ADK: variants seen among roughly 807,000 people sequenced by gnomAD.
The protein encoded by ADK is adenosine kinase.
A neutral mutation model predicts 44.7 loss-of-function variants in ADK; 24 were observed. The ratio of observed to expected loss-of-function variants is 0.54; its 90% CI spans 0.39 to 0.76. The LOEUF (loss-of-function observed/expected upper bound fraction) is 0.76. ADK is among the 30% of genes least tolerant of loss of function. The pLI, the probability that ADK is intolerant of heterozygous loss-of-function variation, is 0.00. For missense variants in ADK, 321 were observed against 425.1 expected, an observed-to-expected ratio of 0.76 and a Z score of 2.15; for synonymous variants, 128 against 142.6, an observed-to-expected ratio of 0.90 and a Z score of 0.73.
chr10:74,408,156 T>A (rs375280594), intron 6 of ADK, among the ~76,000 whole-genome samples: 1 of 142,118 alleles, frequency 7.0e-6, no homozygotes, highest in Non-Finnish European at 1.5e-5. Context: ...AGTTTTGTAT[T>A]TTTTTTTTTT....
intron 3 of ADK, among the ~76,000 whole-genome samples, chr10:74,271,948 T>G: frequency 6.6e-6 from 1 of 152,132 alleles, no homozygotes; most frequent in African/African-American, 2.4e-5. Flanking sequence ...CCAACTGTAC[T>G]GCAAACCCCA....
chr10:74,364,736 G>A (rs904946138), intron 4 of ADK, among the ~76,000 whole-genome samples: 11 of 115,650 alleles, frequency 9.5e-5, no homozygotes, highest in African/African-American at 3.0e-4. Context: ...GTGTGTGTGT[G>A]TGTGTTCTAG....
At chr10:74,155,760 C>T (rs1454159888) in intron 1 of ADK, among the ~76,000 whole-genome samples, 2 of 152,058 alleles carry the variant, frequency 1.3e-5, no homozygotes, top group South Asian at 2.1e-4. Flanking sequence ...GTCTTGATCG[C>T]CTGACCTCGT....
intron 1 of ADK, among the ~76,000 whole-genome samples, chr10:74,157,218 A>G (rs569343871): frequency 1.6e-4 from 25 of 152,344 alleles, no homozygotes; most frequent in Non-Finnish European, 2.9e-4. Flanking sequence ...GGGGTGGCCT[A>G]TCACAGAACC....
intron 4 of ADK, among the ~76,000 whole-genome samples, chr10:74,371,314 A>G (rs193251490): frequency 3.9e-4 from 60 of 152,324 alleles, no homozygotes; most frequent in Non-Finnish European, 5.7e-4. Context: ...TCATTGAATC[A>G]TATGCTTTAA....
At chr10:74,615,811 C>T (rs1418408004) in intron 9 of ADK, among the ~76,000 whole-genome samples, 5 of 152,016 alleles carry the variant, frequency 3.3e-5, no homozygotes, top group African/African-American at 9.7e-5. Flanking sequence ...TGGGTTCAAG[C>T]GATTCCCTTG....
intron 3 of ADK, among the ~76,000 whole-genome samples, chr10:74,294,435 C>T (rs1177309437): frequency 4.6e-5 from 7 of 151,978 alleles, no homozygotes; most frequent in African/African-American, 1.2e-4. Flanking sequence ...TACAGGCACA[C>T]GCCACCATGC....
At chr10:74,378,174 C>T (rs1203484499) in intron 4 of ADK, among the ~76,000 whole-genome samples, 1 of 151,898 alleles carries the variant, frequency 6.6e-6, no homozygotes, top group Non-Finnish European at 1.5e-5. Context: ...CAGAGGCTCA[C>T]ACCTGTAATC....
At chr10:74,266,384 C>G (rs1490213060) in intron 3 of ADK, among the ~76,000 whole-genome samples, 1 of 152,032 alleles carries the variant, frequency 6.6e-6, no homozygotes, top group Non-Finnish European at 1.5e-5. Flanking sequence ...TGATGAAACC[C>G]CGTCTCTACT....
chr10:74,305,041 A>G (rs949089660), intron 3 of ADK, among the ~76,000 whole-genome samples: 1 of 152,212 alleles, frequency 6.6e-6, no homozygotes, highest in African/African-American at 2.4e-5. Flanking sequence ...TATATAACAT[A>G]TGCATATCCT....
rs11419041 is a variant in ADK at position 74,205,675 on chromosome 10, CAAAAAAAAAAA to C, written c.140+4847_140+4857del. Reference sequence around the variant, plus strand: ...AGTGTGACAGCCTGAGAATCTGTCTCAAAAAAAAAAAAAAAAAAAAGAAATGTAATTAGAGT... The same window carrying C: ...AGTGTGACAGCCTGAGAATCTGTCTCAAAAAAAAAGAAATGTAATTAGAGT... On this transcript the variant is annotated intron_variant, in intron 2 of 10. Coordinates refer to ENST00000539909, the MANE Select transcript of ADK (RefSeq NM_006721.4). Among the ~76,000 whole-genome samples, 153 of 85,318 alleles carry C rather than the reference CAAAAAAAAAAA, an allele frequency of 1.8e-3. 2 individuals are homozygous for C. The highest frequency in any genetic ancestry group is 6.9e-3 in the African/African-American group (142 of 20,434). The allele number at this position is 85,318 out of a possible 152,430, so 56.0% of individuals were successfully genotyped here. A position where few individuals can be genotyped will look rare whatever the true frequency, so the allele number is the denominator to read the frequency against.
intron 4 of ADK, among the ~76,000 whole-genome samples, chr10:74,353,705 A>G (rs1416200360): frequency 2.0e-5 from 3 of 152,022 alleles, no homozygotes; most frequent in Non-Finnish European, 2.9e-5. Flanking sequence ...TGTTTCTACT[A>G]AAAATACAAA....
At chr10:74,348,747 C>T (rs749673127) in intron 4 of ADK, among the ~76,000 whole-genome samples, 28 of 151,500 alleles carry the variant, frequency 1.8e-4, no homozygotes, top group Non-Finnish European at 3.8e-4. Context: ...AAACACAGCA[C>T]GAGCACTTCA....
chr10:74,540,726 TG>T (rs1173732345), intron 7 of ADK, among the ~76,000 whole-genome samples: 2 of 152,160 alleles, frequency 1.3e-5, no homozygotes, highest in Non-Finnish European at 2.9e-5. Flanking sequence ...TCCCATGTGC[TG>T]GGGTTACAGG....
chr10:74,162,270 T>TG (rs199907711), intron 1 of ADK, among the ~76,000 whole-genome samples: 1,950 of 151,748 alleles, frequency 0.013, 48 homozygotes, highest in African/African-American at 0.045. Flanking sequence ...CCGCCCACCT[T>TG]GGCCTCCCAA....
chr10:74,685,729 A>T (rs1245932221), intron 10 of ADK, among the ~76,000 whole-genome samples: 1 of 152,164 alleles, frequency 6.6e-6, no homozygotes, highest in East Asian at 1.9e-4. Context: ...ATTTTATTCT[A>T]TGCAATTTTC....
intron 3 of ADK, among the ~76,000 whole-genome samples, chr10:74,270,001 A>AAAAT (rs1213340813): frequency 1.3e-5 from 2 of 152,320 alleles, no homozygotes; most frequent in Non-Finnish European, 1.5e-5. Context: ...TCATTTCAAA[A>AAAAT]AAATAAATAA....
At chr10:74,696,376 GT>G (rs959178873) in intron 10 of ADK, among the ~76,000 whole-genome samples, 31 of 147,026 alleles carry the variant, frequency 2.1e-4, no homozygotes, top group African/African-American at 6.5e-4. Context: ...TTTTGTTTTT[GT>G]TTTTTTTTGA....
chr10:74,637,153 T>G (rs1391954871), intron 9 of ADK, among the ~76,000 whole-genome samples: 2 of 152,154 alleles, frequency 1.3e-5, no homozygotes, highest in African/African-American at 4.8e-5. Flanking sequence ...GAGTGGACAT[T>G]AAATACCTAG....
Sources: allele counts gnomAD v4.1 joint callset (sites outside exome capture counted in the v4.1 genomes callset), GRCh38; gene constraint gnomAD v4.1.1; transcripts MANE v1.5; gene names NCBI Gene and HGNC (gene_info 2026-07-23, HGNC 2026-07-21).